SLC24A2: variants seen among roughly 807,000 people sequenced by gnomAD.
SLC24A2 encodes sodium/potassium/calcium exchanger 2.
SLC24A2 carries 36 observed loss-of-function variants against 62.0 expected under a neutral mutation model. The observed-to-expected ratio is 0.58, with a 90% CI of 0.44 to 0.77. The LOEUF is 0.77. Ranked by LOEUF, SLC24A2 falls within the 30% of genes least tolerant of loss-of-function variation. SLC24A2 has a pLI of 0.00. For synonymous variants in SLC24A2, 358 were observed against 294.0 expected (o/e 1.22, Z -2.23); for missense variants, 846 against 817.9 (o/e 1.03, Z -0.42).
chr9:20,117,470 T>C, the SLC24A2 span, among the ~76,000 whole-genome samples: 2 of 152,164 alleles, frequency 1.3e-5, no homozygotes, highest in African/African-American at 4.8e-5. Flanking sequence ...CACGTTTGTA[T>C]GTAATAAACC....
the SLC24A2 span, among the ~76,000 whole-genome samples, chr9:20,032,838 G>A: frequency 1.3e-5 from 2 of 152,172 alleles, no homozygotes; most frequent in Non-Finnish European, 2.9e-5. Context: ...GGTAGGGACA[G>A]GAGCAGGGAT....
chr9:19,959,134 T>C, the SLC24A2 span, among the ~76,000 whole-genome samples: 1 of 152,134 alleles, frequency 6.6e-6, no homozygotes, highest in African/African-American at 2.4e-5. Flanking sequence ...GTACCGTAGA[T>C]TAAGGCTAGA....
At chr9:20,229,924 C>T in the SLC24A2 span, among the ~76,000 whole-genome samples, 5 of 149,714 alleles carry the variant, frequency 3.3e-5, no homozygotes, top group Non-Finnish European at 5.9e-5. Context: ...TGATGTTCCC[C>T]TTCCTGTGTC....
intron 2 of SLC24A2, among the ~76,000 whole-genome samples, chr9:19,763,449 G>T: frequency 6.6e-6 from 1 of 152,200 alleles, no homozygotes; most frequent in Non-Finnish European, 1.5e-5. Flanking sequence ...TATTGGCTGT[G>T]AGTTTGTCAT....
the SLC24A2 span, among the ~76,000 whole-genome samples, chr9:20,068,813 G>A: frequency 2.0e-5 from 3 of 152,130 alleles, no homozygotes; most frequent in Admixed American, 1.3e-4. Flanking sequence ...TTTTGAAAAT[G>A]AACTGATCCT....
chr9:19,678,547 T>A (rs914942521), intron 2 of SLC24A2, among the ~76,000 whole-genome samples: 1 of 152,240 alleles, frequency 6.6e-6, no homozygotes, highest in African/African-American at 2.4e-5. Context: ...TTCTATTTCT[T>A]GTCTTCGTTT....
the SLC24A2 span, among the ~76,000 whole-genome samples, chr9:19,937,112 C>T: frequency 1.3e-5 from 2 of 152,140 alleles, no homozygotes; most frequent in African/African-American, 4.8e-5. Flanking sequence ...CATTGATTCA[C>T]ACATTTGCTG....
chr9:19,857,590 G>A, the SLC24A2 span, among the ~76,000 whole-genome samples: 2 of 152,046 alleles, frequency 1.3e-5, no homozygotes, highest in African/African-American at 2.4e-5. Context: ...TTTGTTAAAT[G>A]TATTCATAAT....
At chr9:20,122,137 C>A in the SLC24A2 span, among the ~76,000 whole-genome samples, 1 of 152,176 alleles carries the variant, frequency 6.6e-6, no homozygotes, top group African/African-American at 2.4e-5. Context: ...ATAAGGGTCT[C>A]TTGTTCACAA....
intron 2 of SLC24A2, among the ~76,000 whole-genome samples, chr9:19,638,980 G>C (rs890102130): frequency 1.3e-5 from 2 of 152,110 alleles, no homozygotes; most frequent in African/African-American, 4.8e-5. Flanking sequence ...AAGAATTTCA[G>C]TTTATTTCAG....
chr9:20,047,589 T>G, the SLC24A2 span, among the ~76,000 whole-genome samples: 2 of 140,408 alleles, frequency 1.4e-5, no homozygotes, highest in East Asian at 4.6e-4. Context: ...CATGAGGAAG[T>G]GGGCCCTCAC....
Position 19,786,777 on chromosome 9 carries a change from G to A in SLC24A2, c.90C>T (p.Val30=). The A allele has an allele frequency of 1.9e-6, 3 of 1,603,296 alleles. No homozygotes were observed. The highest frequency in any genetic ancestry group is 2.6e-6 in the Non-Finnish European group (3 of 1,174,902). Residue 30 remains valine (V), a synonymous_variant, in exon 2 of 11, where the codon GTC becomes GTT. Transcript: ENST00000341998. This position sits in a 1 kb window ranked among gnomAD's most constrained non-coding sequence, Gnocchi z 5.0. The part of the protein sequence containing the change: ...SLSGCRRHYS[V]KKKLKLIRVL... Reference sequence around the variant, plus strand: ...CTCGAATTAACTTCAGTTTTTTCTTGACACTATAATGTCTTCTGCAGCCAG... The same window carrying A: ...CTCGAATTAACTTCAGTTTTTTCTTAACACTATAATGTCTTCTGCAGCCAG...
In SLC24A2 at chr9:19,785,926, C is replaced by T; in HGVS notation, c.930+11G>A. 6.2e-7 allele frequency: 1 copy of T among 1,614,180 alleles called. No homozygotes were observed. The highest frequency in any genetic ancestry group is 1.3e-5 in the African/African-American group (1 of 75,052). On this transcript the variant is annotated intron_variant, in intron 2 of 10. Transcript: ENST00000341998. ...AAGAAAAGCATTAAATAAAAATCCACCACCACCAACCTTTGCTTGGGCTTC... is the reference window on the plus strand; with the variant it reads ...AAGAAAAGCATTAAATAAAAATCCATCACCACCAACCTTTGCTTGGGCTTC...
At chr9:19,903,706 G>C in the SLC24A2 span, among the ~76,000 whole-genome samples, 2 of 152,136 alleles carry the variant, frequency 1.3e-5, no homozygotes, top group African/African-American at 2.4e-5. Context: ...AAAATGATGG[G>C]CATTAGAGAT....
the SLC24A2 span, among the ~76,000 whole-genome samples, chr9:20,274,316 G>C: frequency 6.6e-6 from 1 of 152,194 alleles, no homozygotes; most frequent in Non-Finnish European, 1.5e-5. Context: ...ATGTGGTTAT[G>C]TGGGGGAAGA....
the SLC24A2 span, among the ~76,000 whole-genome samples, chr9:20,244,964 C>T: frequency 3.9e-5 from 6 of 152,146 alleles, no homozygotes; most frequent in Non-Finnish European, 8.8e-5. Context: ...ATAAACCTTT[C>T]AATGAGTTAG....
chr9:20,033,367 G>C, the SLC24A2 span, among the ~76,000 whole-genome samples: 1 of 152,276 alleles, frequency 6.6e-6, no homozygotes, highest in Admixed American at 6.5e-5. Flanking sequence ...TGAAATACTT[G>C]ATATGGTACC....
the SLC24A2 span, among the ~76,000 whole-genome samples, chr9:20,209,759 G>C: frequency 6.6e-6 from 1 of 152,162 alleles, no homozygotes; most frequent in African/African-American, 2.4e-5. Context: ...ATGTGTCCAT[G>C]AAAGAAAAGT....
the SLC24A2 span, among the ~76,000 whole-genome samples, chr9:20,149,909 G>A: frequency 1.3e-5 from 2 of 151,956 alleles, no homozygotes; most frequent in South Asian, 2.1e-4. Context: ...GGCCAGTCAC[G>A]GGTGATAGTC....
Sources: allele counts gnomAD v4.1 joint callset (sites outside exome capture counted in the v4.1 genomes callset), GRCh38; gene constraint gnomAD v4.1.1; non-coding constraint Gnocchi (gnomAD v3.1); transcripts MANE v1.5; gene names NCBI Gene and HGNC (gene_info 2026-07-23, HGNC 2026-07-21).